Variants in LTN1 observed in about 807,000 individuals in gnomAD.
The protein encoded by LTN1 is listerin E3 ubiquitin protein ligase 1.
Under a neutral mutation model 201.2 loss-of-function variants are expected in LTN1, and 88 were observed. That is an observed-to-expected ratio of 0.44 (90% CI 0.37 to 0.52). LTN1 has a LOEUF of 0.52. Ranked by LOEUF, LTN1 falls within the 20% of genes least tolerant of loss-of-function variation. The pLI is 0.00. For synonymous variants in LTN1, 645 were observed against 713.5 expected, an observed-to-expected ratio of 0.90 and a Z score of 1.53; for missense variants, 1,752 against 2,038.7, an observed-to-expected ratio of 0.86 and a Z score of 2.71.
intron 7 of LTN1, 101 bp downstream of exon 7, chr21:28,971,170 A>T (rs2084571315): frequency 1.0e-6 from 1 of 954,286 alleles, no homozygotes; most frequent in Non-Finnish European, 1.5e-6. Flanking sequence ...TGCCAAGTTT[A>T]GATTATTTTA....
intron 18 of LTN1, among the ~76,000 whole-genome samples, chr21:28,950,812 C>A (rs2084376107): frequency 6.6e-6 from 1 of 152,174 alleles, no homozygotes; most frequent in Admixed American, 6.5e-5. Context: ...CCACACCTGG[C>A]AAATTCCATT....
At position 28,940,256 on chromosome 21, in the gene LTN1, T is replaced by G. The variant is rs555785312; in HGVS notation, c.4482+964A>C. 2.2e-4 allele frequency among the ~76,000 whole-genome samples: 33 copies of G among 152,338 alleles called. No homozygotes were observed. The South Asian group carries it at 6.4e-3, about 30-fold the overall frequency. On this transcript the variant is annotated intron_variant, in intron 25 of 29. Transcript: ENST00000361371. Reference sequence around the variant, plus strand: ...GTGCAGTGGCATGATCTCAGCTCACTGCAACCTCCACTTCCCCGGCTCAAA... The same window carrying G: ...GTGCAGTGGCATGATCTCAGCTCACGGCAACCTCCACTTCCCCGGCTCAAA...
intron 8 of LTN1, among the ~76,000 whole-genome samples, chr21:28,970,022 GAGATAACTTATTAACCAAATAA>G: frequency 6.6e-6 from 1 of 151,814 alleles, no homozygotes; most frequent in South Asian, 2.1e-4. Flanking sequence ...CTGCAAATTC[GAGATAACTTATTAACCAAATAA>G]AGATAATGGT....
At position 28,981,156 on chromosome 21, in the gene LTN1, T is replaced by C. The variant is rs1299536377; in HGVS notation, c.773A>G (p.Asn258Ser). 1.3e-6 allele frequency: 2 copies of C among 1,585,686 alleles called. No homozygotes were observed. The highest frequency in any genetic ancestry group is 8.5e-7 in the Non-Finnish European group (1 of 1,171,928). Residue 258 changes from asparagine to serine, a missense_variant, in exon 6 of 30, where the codon AAT becomes AGT. Physicochemically the swap from Asn to Ser is conservative, Grantham distance 46 (BLOSUM62 1). Coordinates refer to ENST00000361371, the MANE Select transcript of LTN1 (RefSeq NM_015565.3). ...EEKFKSLLSQ[N>S]KFWKYGKHSV... ...GTGTTTTCCATACTTCCAAAACTTA[T>C]TCTGTGATAAAAGAGACTTAAATTT...
At chr21:28,960,203 C>T (rs966978427) in intron 12 of LTN1, among the ~76,000 whole-genome samples, 1 of 151,906 alleles carries the variant, frequency 6.6e-6, no homozygotes, top group African/African-American at 2.4e-5. Context: ...CCCGTCTCTA[C>T]TAAAAATATA....
intron 11 of LTN1, chr21:28,961,472 G>C (rs1381355715): frequency 6.0e-6 from 1 of 167,788 alleles, no homozygotes; most frequent in Non-Finnish European, 1.5e-5. Flanking sequence ...TGTTCCCAGA[G>C]CTTCTTTTGC....
chr21:28,971,442 A>T lies in LTN1; in HGVS notation c.813T>A (p.Ile271=), dbSNP rs1262317590. 1.9e-6 allele frequency: 3 copies of T among 1,611,762 alleles called. No homozygotes were observed. The highest frequency in any genetic ancestry group is 2.5e-6 in the Non-Finnish European group (3 of 1,179,046). Residue 271 remains isoleucine (I), a splice_region_variant and synonymous_variant, in exon 7 of 30, where the codon ATT becomes ATA. Transcript: ENST00000361371. ...WKYGKHSVPQ[I]RSAYFELVSA... ...AGACTAACTCAAAATAAGCTGAGCG[A>T]ATCTAAAAGAATGCAAAGCTGAATT...
Position 28,962,311 on chromosome 21 carries a change from C to A in LTN1, c.2164-1605G>T, listed in dbSNP as rs368011990. ...TTTAAAAATTGAAGATTTGTGGCAA[C>A]CCTGCATTGAGCAAGTTTATTGGCA... On this transcript the variant is annotated intron_variant, in intron 11 of 29. Coordinates refer to ENST00000361371, the MANE Select transcript of LTN1 (RefSeq NM_015565.3). Among the ~76,000 whole-genome samples the A allele has an allele frequency of 1.9e-3, 287 of 152,230 alleles. 5 individuals carry two copies. The highest frequency in any genetic ancestry group is 6.3e-3 in the African/African-American group (261 of 41,548).
intron 4 of LTN1, among the ~76,000 whole-genome samples, chr21:28,983,550 G>C (rs1458703517): frequency 2.0e-5 from 3 of 152,320 alleles, no homozygotes; most frequent in Non-Finnish European, 2.9e-5. Context: ...CTACAATCAA[G>C]TTATGTGTTG....
intron 25 of LTN1, among the ~76,000 whole-genome samples, chr21:28,937,566 G>A (rs2084266418): frequency 6.6e-6 from 1 of 152,052 alleles, no homozygotes; most frequent in South Asian, 2.1e-4. Flanking sequence ...TAAGTACAAG[G>A]ATCAAGTCAT....
At chr21:28,992,202 G>A (rs959052116) in intron 1 of LTN1, among the ~76,000 whole-genome samples, 3 of 152,094 alleles carry the variant, frequency 2.0e-5, no homozygotes, top group Non-Finnish European at 2.9e-5. Context: ...GAGCCGGCCA[G>A]GTAGTCAAGG....
At position 28,988,794 on chromosome 21, in the gene LTN1, C is replaced by T. The variant is rs150514514; in HGVS notation, c.43-1860G>A. On this transcript the variant is annotated intron_variant, in intron 1 of 29. Transcript: ENST00000361371. Reference sequence around the variant, plus strand: ...CAGCCTGGCCAACATGGTGAAACGCCGTCTCTACTAAAAATACAAAATTAG... The same window carrying T: ...CAGCCTGGCCAACATGGTGAAACGCTGTCTCTACTAAAAATACAAAATTAG... Among the ~76,000 whole-genome samples the T allele has an allele frequency of 4.7e-3, 717 of 151,590 alleles. 7 individuals carry two copies. Among genetic ancestry groups the T allele is most frequent in the African/African-American group, 0.017 (687 of 41,344 alleles).
At chr21:28,939,818 A>G (rs999751088) in intron 25 of LTN1, among the ~76,000 whole-genome samples, 6 of 152,198 alleles carry the variant, frequency 3.9e-5, no homozygotes, top group Admixed American at 1.3e-4. Context: ...GTAAAAGCCA[A>G]ATAAGGAGCT....
At chr21:28,957,754 G>T (rs1049928412) in intron 14 of LTN1, among the ~76,000 whole-genome samples, 4 of 152,074 alleles carry the variant, frequency 2.6e-5, no homozygotes, top group African/African-American at 9.7e-5. Flanking sequence ...CAGAAATACA[G>T]CTACCTTATG....
intron 8 of LTN1, among the ~76,000 whole-genome samples, 185 bp downstream of exon 8, chr21:28,970,367 G>C (rs1389546839): frequency 1.3e-5 from 2 of 152,096 alleles, no homozygotes; most frequent in South Asian, 2.1e-4. Flanking sequence ...CTAACTTCCT[G>C]CTGTGTGCTA....
intron 1 of LTN1, among the ~76,000 whole-genome samples, chr21:28,988,725 G>C (rs916429965): frequency 2.3e-4 from 35 of 151,772 alleles, no homozygotes; most frequent in African/African-American, 6.3e-4. Context: ...CCAGCACTTC[G>C]GGAGGCTGAG....
rs757236098 is a variant in LTN1, at chr21:28,971,327, G to T, written c.928C>A (p.Pro310Thr). 3.6e-5 allele frequency: 58 copies of T among 1,613,876 alleles called. No homozygotes were observed. In the South Asian group the frequency reaches 6.1e-4, roughly 17 times the overall value. ...TCCCAGAGAGCTGGGCAGACAATTG[G>T]GTCACTGTCATCAATGCTAAGTAGA... ...SVLLSIDDSDPIVCPALWEAV... is the reference protein window; with the variant it reads ...SVLLSIDDSDTIVCPALWEAV... Residue 310 changes from proline (P) to threonine (T), a missense_variant, in exon 7 of 30, where the codon CCA (proline) becomes ACA (threonine). Physicochemically the swap from Pro to Thr is conservative, Grantham distance 38. Around this residue, in one of 3 missense-constraint regions of LTN1, gnomAD observed 280 missense variants for 375.7 expected, o/e 0.75. Transcript: ENST00000361371.
intron 24 of LTN1, among the ~76,000 whole-genome samples, chr21:28,941,723 G>A (rs2084299166): frequency 6.6e-6 from 1 of 152,044 alleles, no homozygotes. Flanking sequence ...AAACTGTTAG[G>A]GATTCTAAAT....
intron 18 of LTN1, among the ~76,000 whole-genome samples, chr21:28,950,734 G>A (rs776210296): frequency 5.9e-5 from 9 of 152,036 alleles, no homozygotes; most frequent in Non-Finnish European, 7.4e-5. Context: ...GGCTGGTCTC[G>A]AACTCCTGGG....
Sources: allele counts gnomAD v4.1 joint callset (sites outside exome capture counted in the v4.1 genomes callset), GRCh38; gene constraint gnomAD v4.1.1; regional missense constraint gnomAD v4.1.1; transcripts MANE v1.5; gene names NCBI Gene and HGNC (gene_info 2026-07-23, HGNC 2026-07-21).